The following TEX22 variants were observed in gnomAD, a reference collection of about 807,000 sequenced individuals.
TEX22 encodes testis expressed 22.
TEX22 carries 16 observed loss-of-function variants against 11.3 expected under a neutral mutation model. The ratio of observed to expected loss-of-function variants is 1.42; its 90% confidence interval spans 0.96 to 2.15. The LOEUF is 2.15. TEX22 is among the 30% of genes most tolerant of loss of function. The probability of loss-of-function intolerance (pLI) is 0.00; values close to 1 mark genes in which losing one functional copy is unlikely to be tolerated. For synonymous variants in TEX22, 97 were observed against 92.3 expected (o/e 1.05, Z -0.29); for missense variants, 220 against 208.6 (o/e 1.05, Z -0.34).
chr14:105,413,269 G>T lies in TEX22; in HGVS notation c.*1436G>T, dbSNP rs1555419573. 6.6e-6 allele frequency: 1 copy of T among 152,276 alleles called. No individual in the cohort carries two copies. Among genetic ancestry groups the T allele is most frequent in the African/African-American group, 2.4e-5 (1 of 41,392 alleles). 9.4% of individuals were successfully genotyped at this position (152,276 alleles called of 1,614,324 possible). On this transcript the variant is annotated 3_prime_UTR_variant, in exon 4 of 4. Transcript: ENST00000451127. This position sits in a 1 kb window ranked among gnomAD's most constrained non-coding sequence, Gnocchi z 4.2. ...TCCTTAAGGGTGTGGGGAGTTTTGG[G>T]TCATGACCCACCCCCTCTGAGGCCC... is the stretch of plus-strand genomic sequence containing the variant.
chr14:105,406,376 A>G (rs1158093606), intron 2 of TEX22, among the ~76,000 whole-genome samples: 1 of 152,240 alleles, frequency 6.6e-6, no homozygotes, highest in Non-Finnish European at 1.5e-5. Context: ...GAATCTATGA[A>G]GAGATGCTTG....
chr14:105,399,304 C>T lies in TEX22; in HGVS notation c.-37C>T. On this transcript the variant is annotated splice_region_variant and 5_prime_UTR_variant, in exon 2 of 4. Coordinates refer to ENST00000451127, the MANE Select transcript of TEX22 (RefSeq NM_001195082.2). ...CCTCCCCCTGCTCCTACCCCCAGAT[C>T]TCAGAGGTGTGGACAAGCAGCCTAC... 2 of 1,420,178 alleles carry T rather than the reference C, an allele frequency of 1.4e-6. No homozygotes were observed. Among genetic ancestry groups the T allele is most frequent in the South Asian group, 1.2e-5 (1 of 80,900 alleles). 88.0% of individuals were successfully genotyped at this position (1,420,178 alleles called of 1,614,324 possible).
At chr14:105,406,351 A>G (rs140355893) in intron 2 of TEX22, among the ~76,000 whole-genome samples, 2 of 152,252 alleles carry the variant, frequency 1.3e-5, no homozygotes, top group African/African-American at 4.8e-5. Flanking sequence ...ATAACATTCA[A>G]ATGTTTACCA....
chr14:105,402,711 G>A (rs1203191043), intron 2 of TEX22, among the ~76,000 whole-genome samples: 3 of 149,658 alleles, frequency 2.0e-5, no homozygotes, highest in East Asian at 2.0e-4. Flanking sequence ...AGACGAGATT[G>A]CGCTACTGCA....
At chr14:105,403,386 G>T (rs2081642727) in intron 2 of TEX22, among the ~76,000 whole-genome samples, 1 of 152,102 alleles carries the variant, frequency 6.6e-6, no homozygotes, top group South Asian at 2.1e-4. Context: ...AACATCTTAG[G>T]TCCGTGGTTG....
Position 105,398,813 on chromosome 14 carries a change from A to G in TEX22, c.-40+178A>G, listed in dbSNP as rs587697796. 3.3e-5 allele frequency among the ~76,000 whole-genome samples: 5 copies of G among 152,070 alleles called. No individual in the cohort carries two copies. The South Asian group carries it at 1.0e-3, about 32-fold the overall frequency. On this transcript the variant is annotated intron_variant, in intron 1 of 3. Coordinates refer to ENST00000451127, the MANE Select transcript of TEX22 (RefSeq NM_001195082.2). ...CGCGCAGACCCCGCCTCCCCACCGG[A>G]GAGGGCGGGCACGTAAGGGCTCCGG...
intron 2 of TEX22, among the ~76,000 whole-genome samples, chr14:105,410,171 G>A (rs942753716): frequency 6.6e-6 from 1 of 151,254 alleles, no homozygotes; most frequent in Admixed American, 6.6e-5. Flanking sequence ...TCCACCTCCC[G>A]GATTCAAGCG....
chr14:105,407,548 T>G (rs1178385919), intron 2 of TEX22, among the ~76,000 whole-genome samples: 1 of 151,506 alleles, frequency 6.6e-6, no homozygotes, highest in African/African-American at 2.4e-5. Flanking sequence ...AATTATTTTT[T>G]GTAGAGATGA....
chr14:105,411,590 C>T, intron 3 of TEX22, 70 bp from the exon 4 acceptor site: 1 of 1,334,882 alleles, frequency 7.5e-7, no homozygotes, highest in South Asian at 1.3e-5. Context: ...GCCCTTTACC[C>T]CGGCGCTCCC....
At chr14:105,410,429 A>T (rs2081683341) in intron 2 of TEX22, among the ~76,000 whole-genome samples, 1 of 151,930 alleles carries the variant, frequency 6.6e-6, no homozygotes, top group African/African-American at 2.4e-5. Flanking sequence ...GATCTGCCAC[A>T]TTTTCTTTAT....
At chr14:105,407,008 G>A (rs934998555) in intron 2 of TEX22, among the ~76,000 whole-genome samples, 1 of 151,640 alleles carries the variant, frequency 6.6e-6, no homozygotes, top group Middle Eastern at 3.4e-3. Context: ...CATACCTCAC[G>A]TTTTGGTGTG....
At chr14:105,399,274 C>G in intron 1 of TEX22, 28 bp from the exon 2 acceptor site, 1 of 1,222,976 alleles carries the variant, frequency 8.2e-7, no homozygotes, top group Non-Finnish European at 1.1e-6. Context: ...GTGGGCCCCG[C>G]CCCACCTCCC....
chr14:105,413,788 C>G lies in TEX22; in HGVS notation c.*1955C>G, dbSNP rs1338549710. On this transcript the variant is annotated 3_prime_UTR_variant, in exon 4 of 4. Transcript: ENST00000451127. This position sits in a 1 kb window ranked among gnomAD's most constrained non-coding sequence, Gnocchi z 4.2. Reference sequence around the variant, plus strand: ...CCGGGACAGGGGCAGTGCCTGGAGACCGCTTAGGTTGTCACAACTGGGATT... The same window carrying G: ...CCGGGACAGGGGCAGTGCCTGGAGAGCGCTTAGGTTGTCACAACTGGGATT... 1.3e-5 allele frequency: 2 copies of G among 152,256 alleles called. No individual in the cohort carries two copies. The highest frequency in any genetic ancestry group is 2.9e-5 in the Non-Finnish European group (2 of 68,060). The allele number at this position is 152,256 out of a possible 1,614,324, so 9.4% of individuals were successfully genotyped here. A position where few individuals can be genotyped will look rare whatever the true frequency, so the allele number is the denominator to read the frequency against.
At chr14:105,410,484 T>C (rs2081683709) in intron 2 of TEX22, among the ~76,000 whole-genome samples, 1 of 152,266 alleles carries the variant, frequency 6.6e-6, no homozygotes, top group Admixed American at 6.5e-5. Context: ...ACATTTTCGC[T>C]ATTGTGAATA....
At chr14:105,402,793 T>G (rs2081639686) in intron 2 of TEX22, among the ~76,000 whole-genome samples, 2 of 151,714 alleles carry the variant, frequency 1.3e-5, no homozygotes, top group South Asian at 4.2e-4. Context: ...TGTTGTTCAA[T>G]TCCTTCATGA....
At position 105,413,151 on chromosome 14, in the gene TEX22, T is replaced by C. The variant is rs1012307955; in HGVS notation, c.*1318T>C. 5.3e-5 allele frequency: 8 copies of C among 152,254 alleles called. No homozygotes were observed. The highest frequency in any genetic ancestry group is 1.7e-4 in the African/African-American group (7 of 41,416). The allele number at this position is 152,254 out of a possible 1,614,324, so 9.4% of individuals were successfully genotyped here. On this transcript the variant is annotated 3_prime_UTR_variant, in exon 4 of 4. Coordinates refer to ENST00000451127, the MANE Select transcript of TEX22 (RefSeq NM_001195082.2). This position sits in a 1 kb window ranked among gnomAD's most constrained non-coding sequence, Gnocchi z 4.2. Reference sequence around the variant, plus strand: ...GCACCCTAGGGATCCTCTGCATTTCTCAGGAGCCCTAGGGTAGGTGGATGG... The same window carrying C: ...GCACCCTAGGGATCCTCTGCATTTCCCAGGAGCCCTAGGGTAGGTGGATGG...
chr14:105,407,134 C>T (rs2081662776), intron 2 of TEX22, among the ~76,000 whole-genome samples: 3 of 147,200 alleles, frequency 2.0e-5, no homozygotes, highest in South Asian at 2.1e-4. Context: ...GTGGCGTGAT[C>T]TTGGCTCACT....
chr14:105,402,490 C>G (rs184568961), intron 2 of TEX22, among the ~76,000 whole-genome samples: 41 of 152,040 alleles, frequency 2.7e-4, no homozygotes, highest in South Asian at 2.5e-3. Flanking sequence ...TGTGGTGGCT[C>G]ACGCCTGTAA....
chr14:105,398,609 C>A lies in TEX22; in HGVS notation c.-66C>A, dbSNP rs1292200008. On this transcript the variant is annotated 5_prime_UTR_variant, in exon 1 of 4. Transcript: ENST00000451127. Reference sequence around the variant, plus strand: ...TCAAGCCGCGGTGTACTCCAGCGGCCCCCTGTGGCCTCTCCATCCGCGGCG... The same window carrying A: ...TCAAGCCGCGGTGTACTCCAGCGGCACCCTGTGGCCTCTCCATCCGCGGCG... 1.3e-5 allele frequency: 2 copies of A among 152,268 alleles called. No homozygotes were observed. Among genetic ancestry groups the A allele is most frequent in the African/African-American group, 4.8e-5 (2 of 41,458 alleles). The allele number at this position is 152,268 out of a possible 1,614,324, so 9.4% of individuals were successfully genotyped here.
Sources: gnomAD v4.1 joint callset for allele counts (sites outside exome capture counted in the v4.1 genomes callset) on GRCh38, gnomAD v4.1.1 for gene constraint, Gnocchi (gnomAD v3.1) non-coding constraint, MANE v1.5 for transcripts, NCBI Gene and HGNC (gene_info 2026-07-23, HGNC 2026-07-21) for gene names.